The following LHFPL3 variants were observed in gnomAD, a reference collection of about 807,000 sequenced individuals.
LHFPL3 encodes LHFPL tetraspan subfamily member 3 protein.
Under a neutral mutation model 19.3 loss-of-function variants are expected in LHFPL3, and 5 were observed. That is an observed-to-expected ratio of 0.26 (90% CI 0.14 to 0.54). The LOEUF is 0.54. Ranked by LOEUF, LHFPL3 falls within the 20% of genes least tolerant of loss-of-function variation. The pLI is 0.94. For missense variants in LHFPL3, 249 were observed against 307.4 expected (o/e 0.81, Z 1.42); for synonymous variants, 133 against 126.2 (o/e 1.05, Z -0.36).
chr7:104,424,672 C>T (rs1791802421), intron 1 of LHFPL3, among the ~76,000 whole-genome samples: 1 of 152,172 alleles, frequency 6.6e-6, no homozygotes, highest in Non-Finnish European at 1.5e-5. Flanking sequence ...GCCTGCAATG[C>T]ACAGGACAGC....
chr7:104,570,335 G>A (rs554378332), intron 1 of LHFPL3, among the ~76,000 whole-genome samples: 29 of 152,182 alleles, frequency 1.9e-4, no homozygotes, highest in African/African-American at 6.5e-4. Flanking sequence ...GCTTTTCCTT[G>A]GGTGACTTTC....
intron 1 of LHFPL3, among the ~76,000 whole-genome samples, chr7:104,627,444 T>C (rs12705243): frequency 0.13 from 19,619 of 152,206 alleles, 1,472 homozygotes; most frequent in Non-Finnish European, 0.17. Flanking sequence ...AACAAACTGA[T>C]CTTTCCTTTT....
At chr7:104,618,603 C>G (rs1226491961) in intron 1 of LHFPL3, among the ~76,000 whole-genome samples, 1 of 151,674 alleles carries the variant, frequency 6.6e-6, no homozygotes, top group Non-Finnish European at 1.5e-5. Context: ...CTTCGCATTT[C>G]TTAATGAAAA....
At chr7:104,867,749 ACCAAAG>A (rs1402381398) in intron 2 of LHFPL3, among the ~76,000 whole-genome samples, 1 of 152,210 alleles carries the variant, frequency 6.6e-6, no homozygotes, top group African/African-American at 2.4e-5. Context: ...TCATCCTGAT[ACCAAAG>A]CCTGGCAGAG....
At chr7:104,685,978 A>C (rs1296664687) in intron 1 of LHFPL3, among the ~76,000 whole-genome samples, 1 of 152,250 alleles carries the variant, frequency 6.6e-6, no homozygotes, top group African/African-American at 2.4e-5. Context: ...ATACCATTGA[A>C]GTAGCAATGA....
At chr7:104,391,585 T>C (rs1333010679) in intron 1 of LHFPL3, among the ~76,000 whole-genome samples, 5 of 152,224 alleles carry the variant, frequency 3.3e-5, no homozygotes, top group African/African-American at 1.2e-4. Flanking sequence ...TTGGTTACTG[T>C]AGCCTTGTAG....
chr7:104,441,753 T>G (rs183261719), intron 1 of LHFPL3, among the ~76,000 whole-genome samples: 356 of 152,206 alleles, frequency 2.3e-3, no homozygotes, highest in Non-Finnish European at 3.7e-3. Context: ...TTTTTGTATT[T>G]TTAGTAGAGT....
intron 2 of LHFPL3, among the ~76,000 whole-genome samples, chr7:104,780,878 C>G (rs578167919): frequency 6.6e-6 from 1 of 152,358 alleles, no homozygotes; most frequent in East Asian, 1.9e-4. Flanking sequence ...TATCCATTCT[C>G]TGTCCTTCAA....
intron 1 of LHFPL3, among the ~76,000 whole-genome samples, chr7:104,352,961 T>C (rs1308545622): frequency 1.3e-5 from 2 of 152,176 alleles, no homozygotes; most frequent in East Asian, 1.9e-4. Context: ...TCCAAGTGCA[T>C]TGGGTTGGTG....
At chr7:104,539,030 T>C (rs547343022) in intron 1 of LHFPL3, among the ~76,000 whole-genome samples, 1 of 152,272 alleles carries the variant, frequency 6.6e-6, no homozygotes, top group African/African-American at 2.4e-5. Context: ...AAGGAATTAA[T>C]ATGGCCTCTA....
chr7:104,328,673 C>CAGGGG lies in LHFPL3; in HGVS notation c.-104_-100dup. The CAGGGG allele has an allele frequency of 1.1e-6, 1 of 939,194 alleles. No homozygotes were observed. The highest frequency in any genetic ancestry group is 1.6e-6 in the Non-Finnish European group (1 of 620,858). The allele number at this position is 939,194 out of a possible 1,614,324, so 58.2% of individuals were successfully genotyped here. A position where few individuals can be genotyped will look rare whatever the true frequency, so the allele number is the denominator to read the frequency against. ...TGGTGCTGCTGGGCTGAGGCGGAGG[C>CAGGGG]AGGGGAGTTGCAGCGCGCGAGGCTC... On this transcript the variant is annotated 5_prime_UTR_variant, in exon 1 of 3. Transcript: ENST00000424859. The surrounding 1 kb of genome is among the most constrained non-coding windows in gnomAD (Gnocchi z 4.6).
chr7:104,715,359 T>G (rs1156438858), intron 1 of LHFPL3, among the ~76,000 whole-genome samples: 4 of 152,228 alleles, frequency 2.6e-5, no homozygotes, highest in Non-Finnish European at 5.9e-5. Flanking sequence ...GCAATATTTA[T>G]TTTTTCACAT....
intron 1 of LHFPL3, among the ~76,000 whole-genome samples, chr7:104,589,805 A>G (rs1396295513): frequency 6.6e-6 from 1 of 152,174 alleles, no homozygotes; most frequent in Admixed American, 6.5e-5. Flanking sequence ...TTATTGGTCT[A>G]TTCAGGGATT....
At position 104,416,492 on chromosome 7, in the gene LHFPL3, A is replaced by G. The variant is rs79898976; in HGVS notation, c.445+87268A>G. 8.3e-3 allele frequency among the ~76,000 whole-genome samples: 1,262 copies of G among 152,282 alleles called. 75 individuals are homozygous for G. In the East Asian group the frequency reaches 0.16, roughly 19 times the overall value. On this transcript the variant is annotated intron_variant, in intron 1 of 2. Transcript: ENST00000424859. ...CAAACCTTCCGTGGCCCTACTTTCT[A>G]AATCACCAACTCCCCTTTAAAGCAT...
At chr7:104,563,463 C>A (rs1184359597) in intron 1 of LHFPL3, among the ~76,000 whole-genome samples, 4 of 152,306 alleles carry the variant, frequency 2.6e-5, no homozygotes, top group Non-Finnish European at 5.9e-5. Flanking sequence ...CATCCGTCAC[C>A]CCTTTCTTTG....
intron 1 of LHFPL3, among the ~76,000 whole-genome samples, chr7:104,422,947 A>G (rs1006972670): frequency 2.0e-5 from 3 of 152,332 alleles, no homozygotes. Context: ...TATAAGATTA[A>G]TTGATTCATT....
chr7:104,413,249 G>A (rs969849883), intron 1 of LHFPL3, among the ~76,000 whole-genome samples: 1 of 152,190 alleles, frequency 6.6e-6, no homozygotes, highest in African/African-American at 2.4e-5. Flanking sequence ...TGAATTTGAT[G>A]TTGTTAAACC....
intron 1 of LHFPL3, among the ~76,000 whole-genome samples, chr7:104,416,657 T>C (rs1212651746): frequency 2.6e-5 from 4 of 152,252 alleles, no homozygotes; most frequent in Non-Finnish European, 5.9e-5. Flanking sequence ...AGAAACATGC[T>C]CAGATGCTGG....
intron 1 of LHFPL3, among the ~76,000 whole-genome samples, chr7:104,456,434 C>G (rs1290032543): frequency 2.0e-5 from 3 of 152,186 alleles, no homozygotes; most frequent in African/African-American, 4.8e-5. Flanking sequence ...CAGCAGTGCC[C>G]TTCTAATTTC....
Sources: allele counts gnomAD v4.1 joint callset (sites outside exome capture counted in the v4.1 genomes callset), GRCh38; gene constraint gnomAD v4.1.1; non-coding constraint Gnocchi (gnomAD v3.1); transcripts MANE v1.5; gene names NCBI Gene and HGNC (gene_info 2026-07-23, HGNC 2026-07-21).